Variants in MGST1 observed in about 807,000 individuals in gnomAD.
The protein encoded by MGST1 is microsomal glutathione S-transferase 1, also known as glutathione S-transferase 12.
MGST1 carries 5 observed loss-of-function variants against 8.9 expected under a neutral mutation model. The observed-to-expected ratio is 0.56, with a 90% CI of 0.29 to 1.19. MGST1 has a LOEUF of 1.19. Among genes scored for constraint, MGST1 ranks in the 50% most tolerant of loss-of-function variants. MGST1 has a pLI of 0.08. For synonymous variants in MGST1, 54 were observed against 67.8 expected, an observed-to-expected ratio of 0.80 and a Z score of 1.00; for missense variants, 182 against 187.4, an observed-to-expected ratio of 0.97 and a Z score of 0.17.
At chr12:16,454,661 G>A (rs180794167) in intron 4 of MGST1, among the ~76,000 whole-genome samples, 18 of 151,674 alleles carry the variant, frequency 1.2e-4, no homozygotes, top group South Asian at 4.2e-4. Context: ...CATTTCTGAC[G>A]TCACAGAATA....
At chr12:16,452,967 G>C (rs1405315513) in intron 4 of MGST1, among the ~76,000 whole-genome samples, 1 of 151,796 alleles carries the variant, frequency 6.6e-6, no homozygotes, top group East Asian at 1.9e-4. Flanking sequence ...TTCAGGCATT[G>C]GCCAACATAT....
downstream of MGST1, among the ~76,000 whole-genome samples, chr12:16,378,499 G>C (rs1490217485): frequency 6.6e-6 from 1 of 152,162 alleles, no homozygotes; most frequent in African/African-American, 2.4e-5. Context: ...CTGTTCCATT[G>C]GTCTATATTT....
intron 1 of MGST1, among the ~76,000 whole-genome samples, chr12:16,403,042 A>T (rs1469050656): frequency 6.6e-6 from 1 of 151,624 alleles, no homozygotes; most frequent in African/African-American, 2.4e-5. Flanking sequence ...TATCCTTTAA[A>T]CTTTGACTTG....
intron 4 of MGST1, among the ~76,000 whole-genome samples, chr12:16,449,999 A>G (rs1354725423): frequency 6.6e-6 from 1 of 151,902 alleles, no homozygotes; most frequent in Non-Finnish European, 1.5e-5. Context: ...ATTTAACAGT[A>G]ATGCAGTCAA....
intron 4 of MGST1, among the ~76,000 whole-genome samples, chr12:16,563,219 A>T (rs1192905070): frequency 6.6e-6 from 1 of 152,104 alleles, no homozygotes; most frequent in East Asian, 1.9e-4. Flanking sequence ...AATCTGATCT[A>T]ATTTACTGCA....
chr12:16,553,377 G>A (rs1233284844), intron 4 of MGST1, among the ~76,000 whole-genome samples: 1 of 152,124 alleles, frequency 6.6e-6, no homozygotes, highest in Non-Finnish European at 1.5e-5. Flanking sequence ...TATACAGGGT[G>A]TAACTGTGTT....
downstream of MGST1, among the ~76,000 whole-genome samples, chr12:16,440,290 A>C (rs1430620331): frequency 1.1e-4 from 16 of 151,602 alleles, no homozygotes; most frequent in African/African-American, 3.9e-4. Context: ...AAAGCGTATA[A>C]ACCTTGGGTA....
intron 4 of MGST1, among the ~76,000 whole-genome samples, chr12:16,536,887 G>T (rs1355610243): frequency 6.6e-6 from 1 of 152,086 alleles, no homozygotes; most frequent in Non-Finnish European, 1.5e-5. Context: ...TTTGGGTGGG[G>T]ACACAGAGCC....
At chr12:16,453,457 T>C (rs34403) in intron 4 of MGST1, among the ~76,000 whole-genome samples, 151,501 of 151,946 alleles carry the variant, frequency 1, 75,531 homozygotes, top group Middle Eastern at 1. Flanking sequence ...ATTATTTATA[T>C]ATACATACAA....
rs1941593432 is a variant in MGST1 at position 16,513,837 on chromosome 12, C to T, written n.483-75691C>T. 1.6e-6 allele frequency: 1 copy of T among 609,160 alleles called. No individual in the cohort carries two copies. Among genetic ancestry groups the T allele is most frequent in the African/African-American group, 1.8e-5 (1 of 54,090 alleles). The allele number at this position is 609,160 out of a possible 1,614,324, so 37.7% of individuals were successfully genotyped here. ...TTCTGCAAAGATTTCTTAAGTTCAG[C>T]CAAGATGTCTTTCTGCCCAAACCAA... is the stretch of plus-strand genomic sequence containing the variant. On this transcript the variant is annotated intron_variant and non_coding_transcript_variant, in intron 4 of 4. Coordinates refer to the MGST1 transcript ENST00000538857. This position sits in a 1 kb window ranked among gnomAD's most constrained non-coding sequence, Gnocchi z 4.2.
At chr12:16,573,056 A>G (rs1343537123) in intron 4 of MGST1, among the ~76,000 whole-genome samples, 1 of 152,066 alleles carries the variant, frequency 6.6e-6, no homozygotes, top group Non-Finnish European at 1.5e-5. Context: ...ATCCAGATAC[A>G]TCTTATAAAA....
intron 4 of MGST1, among the ~76,000 whole-genome samples, chr12:16,507,912 AAGGAAG>A: frequency 6.6e-6 from 1 of 152,156 alleles, no homozygotes; most frequent in East Asian, 1.9e-4. Context: ...GAGCAATAGG[AAGGAAG>A]AGGAGATGGG....
chr12:16,368,116 C>G (rs1395317430), downstream of MGST1, among the ~76,000 whole-genome samples: 2 of 152,082 alleles, frequency 1.3e-5, no homozygotes, highest in African/African-American at 4.8e-5. Context: ...TCTCAAAACC[C>G]CTAAGCACTG....
In MGST1 at chr12:16,555,176, T is replaced by C. The variant is rs1942149148; in HGVS notation, n.483-34352T>C. On this transcript the variant is annotated intron_variant and non_coding_transcript_variant, in intron 4 of 4. Coordinates refer to the MGST1 transcript ENST00000538857. The surrounding 1 kb of genome is among the most constrained non-coding windows in gnomAD (Gnocchi z 5.5). ...TTATCAGAATTTGCTATCATTATTA[T>C]TTGGTAATGATAATCTTTTCACCTT... 6.6e-6 allele frequency among the ~76,000 whole-genome samples: 1 copy of C among 152,208 alleles called. No individual in the cohort carries two copies. The highest frequency in any genetic ancestry group is 2.4e-5 in the African/African-American group (1 of 41,462).
chr12:16,436,206 G>A (rs893154266), intron 1 of MGST1, among the ~76,000 whole-genome samples: 3 of 151,826 alleles, frequency 2.0e-5, no homozygotes, highest in Non-Finnish European at 2.9e-5. Context: ...TGACCAATAA[G>A]GAGAAATCTA....
chr12:16,582,487 A>G lies in MGST1; in HGVS notation n.483-7041A>G, dbSNP rs1247713575. On this transcript the variant is annotated intron_variant and non_coding_transcript_variant, in intron 4 of 4. Transcript: ENST00000538857. The surrounding 1 kb of genome is among the most constrained non-coding windows in gnomAD (Gnocchi z 4.1). The stretch of plus-strand genomic sequence containing the variant: ...ATTAGAGTTATGTTAGTTTTGCATA[A>G]GCTGCTTTACATATTTTGAACTTAA... Among the ~76,000 whole-genome samples, 1 of 152,164 alleles carries G rather than the reference A, an allele frequency of 6.6e-6. No homozygotes were observed. Among genetic ancestry groups the G allele is most frequent in the Non-Finnish European group, 1.5e-5 (1 of 68,038 alleles).
At chr12:16,511,630 C>G (rs1941578237) in intron 4 of MGST1, among the ~76,000 whole-genome samples, 2 of 152,154 alleles carry the variant, frequency 1.3e-5, no homozygotes, top group Non-Finnish European at 2.9e-5. Context: ...AAAGGGAATG[C>G]TATTTCTTCT....
rs115736468 is a variant in MGST1, at chr12:16,488,475, C to T, written n.483-101053C>T. 4.8e-3 allele frequency among the ~76,000 whole-genome samples: 731 copies of T among 152,268 alleles called. 8 individuals are homozygous for T. The highest frequency in any genetic ancestry group is 0.017 in the African/African-American group (705 of 41,570). ...CTCTGTCCAAGATGCTTTTCCTCTT[C>T]CCCATTGCGTTAGCCCACGGAACTA... On this transcript the variant is annotated intron_variant and non_coding_transcript_variant, in intron 4 of 4. Transcript: ENST00000538857.
chr12:16,551,833 A>G (rs1158283893), intron 4 of MGST1, among the ~76,000 whole-genome samples: 2 of 152,026 alleles, frequency 1.3e-5, no homozygotes, highest in African/African-American at 4.8e-5. Flanking sequence ...CTCTGTTATT[A>G]AAATGTGATT....
Sources: allele counts gnomAD v4.1 joint callset (sites outside exome capture counted in the v4.1 genomes callset), GRCh38; gene constraint gnomAD v4.1.1; non-coding constraint Gnocchi (gnomAD v3.1); transcripts MANE v1.5; gene names NCBI Gene and HGNC (gene_info 2026-07-23, HGNC 2026-07-21).